USP49: variants seen among roughly 807,000 people sequenced by gnomAD.
The protein encoded by USP49 is ubiquitin carboxyl-terminal hydrolase 49.
A neutral mutation model predicts 58.6 loss-of-function variants in USP49; 24 were observed. The observed-to-expected ratio is 0.41, with a 90% CI of 0.30 to 0.58. The LOEUF (loss-of-function observed/expected upper bound fraction) is 0.58, where lower values mean the gene tolerates loss of function less well. Among genes scored for constraint, USP49 ranks in the 20% least tolerant of loss-of-function variants. The pLI is 0.30. For missense variants in USP49, 703 were observed against 866.1 expected (o/e 0.81, Z 2.36); for synonymous variants, 408 against 365.1 (o/e 1.12, Z -1.34).
intron 7 of USP49, 62 bp from the exon 8 acceptor site, chr6:41,796,785 G>A: frequency 2.0e-5 from 14 of 692,504 alleles, no homozygotes; most frequent in Non-Finnish European, 3.7e-5. Flanking sequence ...TAGTCAGCAG[G>A]CAAAATCAGG....
chr6:41,790,618 G>A lies in USP49; in HGVS notation c.*5915C>T, dbSNP rs530687076. ...AGGGTCAGTATATAAGGACCACAGTGGCCTGTTAAGGATGACAGATGTCTC... is the reference window on the plus strand; with the variant it reads ...AGGGTCAGTATATAAGGACCACAGTAGCCTGTTAAGGATGACAGATGTCTC... On this transcript the variant is annotated 3_prime_UTR_variant, in exon 8 of 8. Transcript: ENST00000682992. 1.3e-5 allele frequency: 2 copies of A among 152,248 alleles called. No homozygotes were observed. The highest frequency in any genetic ancestry group is 4.1e-4 in the South Asian group (2 of 4,828). The allele number at this position is 152,248 out of a possible 1,614,324, so 9.4% of individuals were successfully genotyped here.
chr6:41,832,433 T>G (rs1773650423), intron 3 of USP49, among the ~76,000 whole-genome samples: 1 of 152,210 alleles, frequency 6.6e-6, no homozygotes, highest in Admixed American at 6.5e-5. Flanking sequence ...CAAAATTGGG[T>G]ATGTGCAGGC....
At position 41,795,582 on chromosome 6, in the gene USP49, A is replaced by C. The variant is rs1156661810; in HGVS notation, c.*951T>G. The C allele has an allele frequency of 1.3e-5, 2 of 152,246 alleles. No individual in the cohort carries two copies. The highest frequency in any genetic ancestry group is 4.8e-5 in the African/African-American group (2 of 41,468). 9.4% of individuals were successfully genotyped at this position (152,246 alleles called of 1,614,324 possible). A position where few individuals can be genotyped will look rare whatever the true frequency, so the allele number is the denominator to read the frequency against. ...TCTCCAGGAGCAAGAAAGAAGCTGC[A>C]GGCTAAGAAGCTGCATGCCGCACTG... On this transcript the variant is annotated 3_prime_UTR_variant, in exon 8 of 8. Coordinates refer to ENST00000682992, the MANE Select transcript of USP49 (RefSeq NM_001286554.2).
At chr6:41,802,460 A>ATTTTTTTTTTTTTTTTTTTT (rs71545916) in intron 5 of USP49, among the ~76,000 whole-genome samples, 2 of 71,396 alleles carry the variant, frequency 2.8e-5, no homozygotes, top group African/African-American at 1.2e-4. Context: ...TTATTTATTT[A>ATTTTTTTTTTTTTTTTTTTT]TTTATTTATT....
At chr6:41,825,001 G>A (rs1017584280) in intron 3 of USP49, among the ~76,000 whole-genome samples, 1 of 152,222 alleles carries the variant, frequency 6.6e-6, no homozygotes, top group Non-Finnish European at 1.5e-5. Flanking sequence ...AGGCACAAGA[G>A]GTGAGAGGAC....
At chr6:41,879,571 C>T (rs1032813922) in intron 2 of USP49, among the ~76,000 whole-genome samples, 1 of 152,160 alleles carries the variant, frequency 6.6e-6, no homozygotes, top group Non-Finnish European at 1.5e-5. Flanking sequence ...CCCTAGATTG[C>T]TGCCCTGTCT....
intron 3 of USP49, among the ~76,000 whole-genome samples, chr6:41,809,333 A>C (rs1265687129): frequency 6.6e-6 from 1 of 151,596 alleles, no homozygotes; most frequent in Non-Finnish European, 1.5e-5. Context: ...GACCAGACTG[A>C]CCAACATGGT....
intron 2 of USP49, among the ~76,000 whole-genome samples, chr6:41,885,510 A>G (rs1292596751): frequency 6.6e-6 from 1 of 152,164 alleles, no homozygotes; most frequent in Non-Finnish European, 1.5e-5. Context: ...ACTGAGTGTC[A>G]GCGCACAATC....
Position 41,792,225 on chromosome 6 carries a change from T to A in USP49, c.*4308A>T, listed in dbSNP as rs1383476556. 1 of 152,226 alleles carries A rather than the reference T, an allele frequency of 6.6e-6. No homozygotes were observed. The highest frequency in any genetic ancestry group is 1.5e-5 in the Non-Finnish European group (1 of 68,052). 9.4% of individuals were successfully genotyped at this position (152,226 alleles called of 1,614,324 possible). A position where few individuals can be genotyped will look rare whatever the true frequency, so the allele number is the denominator to read the frequency against. On this transcript the variant is annotated 3_prime_UTR_variant, in exon 8 of 8. Transcript: ENST00000682992. ...GTGCCTTCTCTTTTGCACCACTCCCTTTGCATATTACACAGTGCACTGGCT... is the reference window on the plus strand; with the variant it reads ...GTGCCTTCTCTTTTGCACCACTCCCATTGCATATTACACAGTGCACTGGCT...
chr6:41,816,974 G>C (rs999353796), intron 3 of USP49, among the ~76,000 whole-genome samples: 2 of 151,696 alleles, frequency 1.3e-5, no homozygotes, highest in Non-Finnish European at 2.9e-5. Flanking sequence ...CCAAAGTGTT[G>C]TGATTACAGG....
intron 3 of USP49, among the ~76,000 whole-genome samples, chr6:41,829,795 G>A (rs914727000): frequency 6.6e-6 from 1 of 152,154 alleles, no homozygotes; most frequent in African/African-American, 2.4e-5. Flanking sequence ...TTACTGTTAA[G>A]TGTGATGTCT....
intron 3 of USP49, among the ~76,000 whole-genome samples, chr6:41,855,360 C>T (rs1176746200): frequency 6.6e-6 from 1 of 151,580 alleles, no homozygotes; most frequent in Non-Finnish European, 1.5e-5. Context: ...ACTAAAAATA[C>T]AAAAATTAGC....
intron 3 of USP49, among the ~76,000 whole-genome samples, chr6:41,862,712 G>T (rs2127355522): frequency 6.6e-6 from 1 of 152,258 alleles, no homozygotes; most frequent in East Asian, 1.9e-4. Context: ...GAGGAATACA[G>T]AAGACATGTT....
chr6:41,856,431 A>G (rs1774133591), intron 3 of USP49, among the ~76,000 whole-genome samples: 1 of 152,164 alleles, frequency 6.6e-6, no homozygotes, highest in Non-Finnish European at 1.5e-5. Flanking sequence ...CGCTCTCTCA[A>G]ACCTCAAACA....
chr6:41,799,015 G>C, intron 6 of USP49, 86 bp from the exon 7 acceptor site: 8 of 1,488,708 alleles, frequency 5.4e-6, no homozygotes, highest in Non-Finnish European at 7.1e-6. Context: ...ACAGGAAACT[G>C]AGAAAATTTA....
chr6:41,861,989 A>G (rs1273060156), intron 3 of USP49, among the ~76,000 whole-genome samples: 1 of 152,228 alleles, frequency 6.6e-6, no homozygotes, highest in Non-Finnish European at 1.5e-5. Context: ...GGCATGAGCC[A>G]CCGCACCCGG....
chr6:41,872,882 G>A (rs1774436914), intron 2 of USP49: 1 of 151,174 alleles, frequency 6.6e-6, no homozygotes, highest in Non-Finnish European at 1.5e-5. Flanking sequence ...CTTCAGCCTG[G>A]GCGACAGAGA....
At chr6:41,862,216 T>G (rs1210296130) in intron 3 of USP49, among the ~76,000 whole-genome samples, 1 of 152,202 alleles carries the variant, frequency 6.6e-6, no homozygotes, top group African/African-American at 2.4e-5. Flanking sequence ...AAGGGATATA[T>G]GCATTTAAAT....
intron 3 of USP49, among the ~76,000 whole-genome samples, chr6:41,864,721 T>C (rs948390928): frequency 6.6e-6 from 1 of 152,334 alleles, no homozygotes; most frequent in South Asian, 2.1e-4. Context: ...CAGTTTCTTT[T>C]TCCATTAATA....
Sources: gnomAD v4.1 joint callset for allele counts (sites outside exome capture counted in the v4.1 genomes callset) on GRCh38, gnomAD v4.1.1 for gene constraint, MANE v1.5 for transcripts, NCBI Gene and HGNC (gene_info 2026-07-23, HGNC 2026-07-21) for gene names.